RBFOX1: variants seen among roughly 807,000 people sequenced by gnomAD.
RBFOX1 encodes RNA binding protein fox-1 homolog 1.
A neutral mutation model predicts 57.7 loss-of-function variants in RBFOX1; 8 were observed. The ratio of observed to expected loss-of-function variants is 0.14; its 90% CI spans 0.08 to 0.25. The LOEUF is 0.25. Ranked by LOEUF, RBFOX1 falls within the 10% of genes least tolerant of loss-of-function variation. The pLI is 1.00. For synonymous variants in RBFOX1, 326 were observed against 222.4 expected, an observed-to-expected ratio of 1.47 and a Z score of -4.15; for missense variants, 611 against 548.5, an observed-to-expected ratio of 1.11 and a Z score of -1.14.
chr16:7,705,530 C>G (rs935999269), intron 14 of RBFOX1, among the ~76,000 whole-genome samples: 3 of 152,058 alleles, frequency 2.0e-5, no homozygotes, highest in Non-Finnish European at 4.4e-5. Context: ...TTTAAAAATC[C>G]TATGTGCCTG....
At chr16:6,956,495 T>G (rs115334366) in intron 3 of RBFOX1, among the ~76,000 whole-genome samples, 1,924 of 152,244 alleles carry the variant, frequency 0.013, 41 homozygotes, top group African/African-American at 0.044. Context: ...ATTGAAGATT[T>G]TAATTTCAGA....
intron 3 of RBFOX1, 74 bp downstream of exon 3, chr16:6,654,724 G>A (rs899200453): frequency 2.6e-6 from 3 of 1,147,088 alleles, no homozygotes; most frequent in Non-Finnish European, 3.6e-6. Context: ...GGTGTTTAAG[G>A]CATGCCCCTC....
intron 2 of RBFOX1, among the ~76,000 whole-genome samples, chr16:6,476,690 G>A (rs1263311384): frequency 1.3e-5 from 2 of 152,142 alleles, no homozygotes; most frequent in African/African-American, 2.4e-5. Flanking sequence ...GAAGGTTGGG[G>A]TGACTGTGGC....
rs57958968 is a variant in RBFOX1, at chr16:6,318,342, C to T, written c.-64+1285C>T. ...TTCAGGCTTCGGCATTTCTTGAAAA[C>T]TGGGAGGTTTTGTAAGTAAAAAGGT... On this transcript the variant is annotated intron_variant, in intron 2 of 15. Transcript: ENST00000550418. Among the ~76,000 whole-genome samples the T allele has an allele frequency of 4.3e-3, 648 of 152,246 alleles. 4 individuals are homozygous for T. The highest frequency in any genetic ancestry group is 0.014 in the African/African-American group (601 of 41,534).
chr16:6,727,012 C>A (rs1220254308), intron 3 of RBFOX1, among the ~76,000 whole-genome samples: 1 of 142,028 alleles, frequency 7.0e-6, no homozygotes, highest in South Asian at 2.3e-4. Flanking sequence ...TAATGACATA[C>A]GATGAGAGCG....
intron 1 of RBFOX1, among the ~76,000 whole-genome samples, chr16:6,078,519 C>T (rs2343519): frequency 6.6e-6 from 1 of 151,970 alleles, no homozygotes; most frequent in African/African-American, 2.4e-5. Context: ...CTGGACACCC[C>T]TGTTCTAGAG....
intron 2 of RBFOX1, among the ~76,000 whole-genome samples, chr16:6,634,738 TA>T (rs1383455520): frequency 2.1e-5 from 3 of 140,378 alleles, no homozygotes; most frequent in Admixed American, 7.3e-5. Context: ...GATATATTTG[TA>T]TTAAATATAC....
At chr16:7,472,746 T>C (rs1209339961) in intron 4 of RBFOX1, among the ~76,000 whole-genome samples, 2 of 152,186 alleles carry the variant, frequency 1.3e-5, no homozygotes, top group African/African-American at 4.8e-5. Context: ...TCCCAGACTG[T>C]GGCAAAATTG....
At chr16:5,412,995 G>T (rs2067063797) in intron 1 of RBFOX1, among the ~76,000 whole-genome samples, 1 of 152,324 alleles carries the variant, frequency 6.6e-6, no homozygotes, top group South Asian at 2.1e-4. Flanking sequence ...AGCTGGCCGT[G>T]CCTTCCTGGT....
chr16:6,871,982 G>T (rs553318134), intron 3 of RBFOX1, among the ~76,000 whole-genome samples: 1 of 149,872 alleles, frequency 6.7e-6, no homozygotes, highest in Non-Finnish European at 1.5e-5. Flanking sequence ...TAGAGTATGG[G>T]GATCTCTGAA....
intron 2 of RBFOX1, among the ~76,000 whole-genome samples, chr16:6,564,535 T>A (rs926589130): frequency 1.3e-5 from 2 of 152,158 alleles, no homozygotes; most frequent in South Asian, 4.2e-4. Flanking sequence ...CTAAGTGAGA[T>A]AAGCCAGGCA....
At chr16:5,323,972 G>T (rs907944082) in intron 1 of RBFOX1, among the ~76,000 whole-genome samples, 1 of 152,164 alleles carries the variant, frequency 6.6e-6, no homozygotes, top group Non-Finnish European at 1.5e-5. Context: ...CATATTACAC[G>T]TGTATAGTGC....
chr16:6,997,659 G>A (rs771051015), intron 3 of RBFOX1, among the ~76,000 whole-genome samples: 1 of 152,096 alleles, frequency 6.6e-6, no homozygotes, highest in Non-Finnish European at 1.5e-5. Context: ...CTTTGTCAGG[G>A]TATTGTTCGG....
At chr16:6,824,983 G>GTTTTTTTTTTTTTTTTTTTTTTGTTTT (rs2091918529) in intron 3 of RBFOX1, among the ~76,000 whole-genome samples, 1 of 36,878 alleles carries the variant, frequency 2.7e-5, no homozygotes. Flanking sequence ...TTCTTTCTTG[G>GTTTTTTTTTTTTTTTTTTTTTTGTTTT]TTTTTTTTTT....
rs2152948167 is a variant in RBFOX1 at position 7,595,532 on chromosome 16, C to T, written c.469-17C>T. Reference sequence around the variant, plus strand: ...AATAATCTGCATGTTGTTTTCCCTTCTCCCTCCTGCATGCAGGGATTTGGT... The same window carrying T: ...AATAATCTGCATGTTGTTTTCCCTTTTCCCTCCTGCATGCAGGGATTTGGT... On this transcript the variant is annotated splice_polypyrimidine_tract_variant and intron_variant, in intron 7 of 15. Transcript: ENST00000550418. 2 of 1,535,226 alleles carry T rather than the reference C, an allele frequency of 1.3e-6. No individual in the cohort carries two copies. The highest frequency in any genetic ancestry group is 1.8e-6 in the Non-Finnish European group (2 of 1,133,084).
chr16:6,671,850 T>C lies in RBFOX1; in HGVS notation c.-16+17200T>C, dbSNP rs184567196. On this transcript the variant is annotated intron_variant, in intron 3 of 15. Transcript: ENST00000550418. ...TCGAATCAGCGTATCCCAGTAATTA[T>C]AAGAGTTCATGAAATTTTTGTGTGC... 3.2e-4 allele frequency among the ~76,000 whole-genome samples: 48 copies of C among 152,352 alleles called. 1 individual carries two copies. The highest frequency in any genetic ancestry group is 2.9e-3 in the Admixed American group (45 of 15,294).
chr16:5,587,849 A>C (rs950792133), intron 2 of RBFOX1, among the ~76,000 whole-genome samples: 6 of 152,218 alleles, frequency 3.9e-5, no homozygotes, highest in African/African-American at 9.6e-5. Context: ...CAGAAATTCT[A>C]CTTCCATGTA....
At chr16:6,566,702 C>T (rs1415685331) in intron 2 of RBFOX1, among the ~76,000 whole-genome samples, 2 of 152,190 alleles carry the variant, frequency 1.3e-5, no homozygotes, top group African/African-American at 2.4e-5. Context: ...ATTCCATCCA[C>T]TTTTCATCTT....
At chr16:7,162,569 A>G (rs1205337948) in intron 4 of RBFOX1, among the ~76,000 whole-genome samples, 1 of 144,320 alleles carries the variant, frequency 6.9e-6, no homozygotes, top group African/African-American at 2.6e-5. Flanking sequence ...GTCTCTACTA[A>G]AAAAAAAAAA....
Sources: gnomAD v4.1 joint callset for allele counts (sites outside exome capture counted in the v4.1 genomes callset) on GRCh38, gnomAD v4.1.1 for gene constraint, MANE v1.5 for transcripts, NCBI Gene and HGNC (gene_info 2026-07-23, HGNC 2026-07-21) for gene names.